Variants in VCAN observed in about 807,000 individuals in gnomAD.
The protein encoded by VCAN is versican core protein.
In VCAN, 44 loss-of-function variants were observed where a neutral mutation model predicts 245.5. The observed-to-expected ratio is 0.18, with a 90% CI of 0.14 to 0.23. The LOEUF (loss-of-function observed/expected upper bound fraction) is 0.23. VCAN is among the 10% of genes least tolerant of loss of function. VCAN has a pLI of 1.00. For synonymous variants in VCAN, 1,413 were observed against 1,437.0 expected (o/e 0.98, Z 0.38); for missense variants, 3,793 against 4,057.9 (o/e 0.93, Z 1.77).
chr5:83,548,743 C>G (rs537620999), intron 10 of VCAN, among the ~76,000 whole-genome samples: 1 of 152,304 alleles, frequency 6.6e-6, no homozygotes, highest in South Asian at 2.1e-4. Flanking sequence ...GCTAAGCACA[C>G]TCAGCTTTGG....
At chr5:83,519,231 A>G in intron 6 of VCAN, 118 bp from the exon 7 acceptor site, 1 of 1,000,582 alleles carries the variant, frequency 1.0e-6, no homozygotes, top group South Asian at 1.6e-5. Flanking sequence ...ATCACAGAAC[A>G]TTTCTGGGCC....
intron 13 of VCAN, among the ~76,000 whole-genome samples, chr5:83,574,176 C>G (rs1231802781): frequency 2.6e-5 from 4 of 150,960 alleles, no homozygotes; most frequent in Non-Finnish European, 4.4e-5. Flanking sequence ...GGGCCCCTGG[C>G]TGATTGGATG....
At chr5:83,487,159 G>A (rs561298806) in intron 2 of VCAN, among the ~76,000 whole-genome samples, 5 of 152,258 alleles carry the variant, frequency 3.3e-5, no homozygotes, top group East Asian at 3.9e-4. Flanking sequence ...ATGCACAGTC[G>A]TGAATAAGTG....
Position 83,521,646 on chromosome 5 carries a change from G to C in VCAN, c.3340G>C (p.Val1114Leu). Residue 1114 changes from valine to leucine, a missense_variant, in exon 7 of 15, where the codon GTG becomes CTG. Physicochemically the swap from Val to Leu is conservative, Grantham distance 32. This residue lies in a region of VCAN where 3,182 missense variants were observed against 3,250.3 expected (regional missense o/e 0.98). Transcript: ENST00000265077. ...ACCAGGTGCTGTAACTGAGCACAAA[G>C]TGAAAACAGATGAAGTGGTAACACT... ...YPPGAVTEHK[V>L]KTDEVVTLTP... 2 of 1,613,848 alleles carry C rather than the reference G, an allele frequency of 1.2e-6. No homozygotes were observed. Among genetic ancestry groups the C allele is most frequent in the Non-Finnish European group, 1.7e-6 (2 of 1,180,018 alleles).
At chr5:83,547,246 A>G (rs1159388980) in intron 9 of VCAN, among the ~76,000 whole-genome samples, 1 of 152,358 alleles carries the variant, frequency 6.6e-6, no homozygotes, top group African/African-American at 2.4e-5. Flanking sequence ...TAGTCAAGTG[A>G]TTCTGAGACC....
rs16900528 is a variant in VCAN at position 83,537,572 on chromosome 5, A to G, written c.4569A>G (p.Thr1523=). The G allele has an allele frequency of 0.082, 132,252 of 1,613,190 alleles. 5,831 individuals are homozygous for G. Among genetic ancestry groups the G allele is most frequent in the South Asian group, 0.091 (8,305 of 91,068 alleles). The part of the protein sequence containing the change: ...GTAKKGAESV[T]ERDTEVGHQA... ...CCAAAAAAGGGGCAGAATCAGTCACAGAGAGAGATACTGAAGTTGGTCATC... is the reference window on the plus strand; with the variant it reads ...CCAAAAAAGGGGCAGAATCAGTCACGGAGAGAGATACTGAAGTTGGTCATC... Residue 1523 remains threonine (T), a synonymous_variant, in exon 8 of 15, where the codon ACA becomes ACG. Transcript: ENST00000265077.
Position 83,581,006 on chromosome 5 carries a change from A to G in VCAN, c.*572A>G, listed in dbSNP as rs1236472921. 1 of 173,356 alleles carries G rather than the reference A, an allele frequency of 5.8e-6. No individual in the cohort carries two copies. The highest frequency in any genetic ancestry group is 2.4e-5 in the African/African-American group (1 of 41,598). 10.7% of individuals were successfully genotyped at this position (173,356 alleles called of 1,614,324 possible). ...CAAAATCTTGTAGGTCATTGCACCT[A>G]TCTCAGCCATAGGTGCAGTTTGCTT... is the stretch of plus-strand genomic sequence containing the variant. On this transcript the variant is annotated 3_prime_UTR_variant, in exon 15 of 15. Transcript: ENST00000265077.
intron 12 of VCAN, among the ~76,000 whole-genome samples, chr5:83,556,350 T>C (rs1476848030): frequency 3.9e-5 from 6 of 152,198 alleles, no homozygotes; most frequent in Admixed American, 2.6e-4. Context: ...TCCTCGGCTT[T>C]AAAAAGAGTG....
chr5:83,518,373 T>A (rs2112403963), intron 6 of VCAN, among the ~76,000 whole-genome samples: 1 of 152,342 alleles, frequency 6.6e-6, no homozygotes, highest in South Asian at 2.1e-4. Context: ...TCTCTGTAAA[T>A]CTGGAGCCAT....
chr5:83,494,647 C>T (rs1745101487), intron 5 of VCAN, among the ~76,000 whole-genome samples: 1 of 152,166 alleles, frequency 6.6e-6, no homozygotes, highest in Non-Finnish European at 1.5e-5. Flanking sequence ...GAGCATGGTG[C>T]AGCTTTATTA....
intron 5 of VCAN, among the ~76,000 whole-genome samples, chr5:83,499,168 C>T (rs548189774): frequency 6.6e-6 from 1 of 152,192 alleles, no homozygotes; most frequent in African/African-American, 2.4e-5. Context: ...GCAGCTCACA[C>T]TGAAATTTCT....
chr5:83,572,348 A>G (rs933250977), intron 12 of VCAN, 68 bp from the exon 13 acceptor site: 1 of 1,547,400 alleles, frequency 6.5e-7, no homozygotes, highest in Non-Finnish European at 8.9e-7. Context: ...ATTGTGATAT[A>G]ATACCGTCGT....
chr5:83,552,704 ATAATT>A (rs1200294801), intron 10 of VCAN, among the ~76,000 whole-genome samples: 1 of 152,204 alleles, frequency 6.6e-6, no homozygotes, highest in African/African-American at 2.4e-5. Flanking sequence ...GGTGAGTTAA[ATAATT>A]TAATTTATTT....
intron 12 of VCAN, among the ~76,000 whole-genome samples, chr5:83,570,827 T>C (rs969964339): frequency 3.6e-3 from 21 of 5,786 alleles, no homozygotes; most frequent in African/African-American, 5.2e-3. Flanking sequence ...GACCTTCCCT[T>C]TTTTTTTTTT....
intron 2 of VCAN, among the ~76,000 whole-genome samples, chr5:83,484,694 T>G (rs1356390567): frequency 1.3e-5 from 2 of 152,204 alleles, no homozygotes; most frequent in Non-Finnish European, 2.9e-5. Context: ...CTATCGTTCT[T>G]TAAACTTACT....
In VCAN at chr5:83,490,276, C is replaced by G; in HGVS notation, c.249C>G (p.Val83=). The change falls in exon 3 of 15, where the codon GTC becomes GTG. Residue 83 remains valine (V), a synonymous_variant. Transcript: ENST00000265077. The part of the protein sequence containing the change: ...KNGKDLKETT[V]LVAQNGNIKI... ...GAAAAGATTTGAAAGAGACTACTGT[C>G]CTTGTGGCCCAAAATGGAAATATCA... 6.2e-7 allele frequency: 1 copy of G among 1,614,186 alleles called. No homozygotes were observed. The highest frequency in any genetic ancestry group is 8.5e-7 in the Non-Finnish European group (1 of 1,180,048).
chr5:83,578,347 A>C (rs995776664), intron 13 of VCAN, among the ~76,000 whole-genome samples: 1 of 152,072 alleles, frequency 6.6e-6, no homozygotes, highest in Non-Finnish European at 1.5e-5. Context: ...GGAGGATGGG[A>C]GGAGGGAGAA....
intron 3 of VCAN, among the ~76,000 whole-genome samples, 182 bp from the exon 4 acceptor site, chr5:83,493,364 A>G (rs1323799633): frequency 6.6e-6 from 1 of 152,182 alleles, no homozygotes; most frequent in African/African-American, 2.4e-5. Flanking sequence ...GATGAATGGC[A>G]TTTTTGGAGC....
At chr5:83,536,380 G>A (rs60490084) in intron 7 of VCAN, 4 of 152,116 alleles carry the variant, frequency 2.6e-5, no homozygotes, top group African/African-American at 9.7e-5. Flanking sequence ...TGCCACAGTA[G>A]GTAGAGGATG....
Sources: gnomAD v4.1 joint callset for allele counts (sites outside exome capture counted in the v4.1 genomes callset) on GRCh38, gnomAD v4.1.1 for gene constraint, gnomAD v4.1.1 regional missense constraint, MANE v1.5 for transcripts, NCBI Gene and HGNC (gene_info 2026-07-23, HGNC 2026-07-21) for gene names.